Variants in UMAD1 observed in about 807,000 individuals in gnomAD.
UMAD1 encodes the protein UBAP1-MVB12-associated (UMA)-domain containing protein 1.
UMAD1 carries 8 observed loss-of-function variants against 6.1 expected under a neutral mutation model. The observed-to-expected ratio is 1.30, with a 90% CI of 0.76 to 2.35. The LOEUF (loss-of-function observed/expected upper bound fraction) is 2.35. Ranked by LOEUF, UMAD1 falls within the 30% of genes most tolerant of loss-of-function variation. The pLI, the probability that UMAD1 is intolerant of heterozygous loss-of-function variation, is 0.00. For missense variants in UMAD1, 130 were observed against 78.4 expected (o/e 1.66, Z -2.49); for synonymous variants, 56 against 31.4 (o/e 1.78, Z -2.61).
chr7:7,755,316 C>T (rs879310358), intron 2 of UMAD1, among the ~76,000 whole-genome samples: 2 of 152,194 alleles, frequency 1.3e-5, no homozygotes, highest in East Asian at 3.8e-4. Context: ...CCCAATAGCA[C>T]TCACTGAAGT....
chr7:7,737,056 C>G (rs1781373577), intron 2 of UMAD1, among the ~76,000 whole-genome samples: 1 of 152,266 alleles, frequency 6.6e-6, no homozygotes, highest in Non-Finnish European at 1.5e-5. Flanking sequence ...GGCCATGCCC[C>G]TGTCCAGTAG....
chr7:7,824,568 C>T (rs1416917818), intron 3 of UMAD1, among the ~76,000 whole-genome samples: 2 of 152,134 alleles, frequency 1.3e-5, no homozygotes, highest in Non-Finnish European at 2.9e-5. Context: ...TTCTGCTATC[C>T]TACTTGAGCT....
chr7:7,802,762 A>G (rs926794432), intron 3 of UMAD1, among the ~76,000 whole-genome samples: 2 of 152,204 alleles, frequency 1.3e-5, no homozygotes, highest in Non-Finnish European at 2.9e-5. Flanking sequence ...GTGATTCACC[A>G]TGGTTCCCTA....
chr7:7,813,354 G>A (rs141904951), intron 3 of UMAD1, among the ~76,000 whole-genome samples: 3,822 of 152,040 alleles, frequency 0.025, 189 homozygotes, highest in African/African-American at 0.088. Context: ...ACAGGCATGC[G>A]ACACCACGCC....
At chr7:7,704,859 A>C (rs1160521621) in intron 2 of UMAD1, among the ~76,000 whole-genome samples, 2 of 151,704 alleles carry the variant, frequency 1.3e-5, no homozygotes, top group Non-Finnish European at 2.9e-5. Context: ...AAGGGTCATC[A>C]ATTGAAAAAA....
chr7:7,782,252 A>AT (rs1366380606), intron 2 of UMAD1, among the ~76,000 whole-genome samples: 1 of 151,820 alleles, frequency 6.6e-6, no homozygotes, highest in Non-Finnish European at 1.5e-5. Context: ...TAAGGGAAAA[A>AT]ATAAAAATCT....
intron 1 of UMAD1, chr7:7,641,495 A>C (rs1392447362): frequency 1.3e-5 from 2 of 151,998 alleles, no homozygotes; most frequent in Non-Finnish European, 2.9e-5. Context: ...CATATGTTTG[A>C]CTCAACAGTT....
chr7:7,801,814 A>G (rs1782805975), intron 3 of UMAD1, 71 bp downstream of exon 3: 4 of 703,038 alleles, frequency 5.7e-6, no homozygotes, highest in South Asian at 1.6e-5. Context: ...GCCTCCGAGG[A>G]TAAATAGTAA....
chr7:7,838,751 T>C (rs1490262515), intron 3 of UMAD1, among the ~76,000 whole-genome samples: 3 of 152,122 alleles, frequency 2.0e-5, no homozygotes, highest in Non-Finnish European at 2.9e-5. Context: ...GAAATACTCT[T>C]AAGGATATGA....
chr7:7,646,290 T>C (rs1293935687), intron 1 of UMAD1, among the ~76,000 whole-genome samples: 2 of 105,558 alleles, frequency 1.9e-5, no homozygotes, highest in African/African-American at 6.8e-5. Context: ...AGTGGGATGG[T>C]GATACGGTTT....
chr7:7,833,541 C>T (rs974999674), intron 3 of UMAD1, among the ~76,000 whole-genome samples: 1 of 152,084 alleles, frequency 6.6e-6, no homozygotes, highest in Admixed American at 6.6e-5. Flanking sequence ...GTCAACATGA[C>T]TGGGAAGAAA....
At chr7:7,663,164 C>A (rs1178932186) in intron 1 of UMAD1, among the ~76,000 whole-genome samples, 1 of 130,536 alleles carries the variant, frequency 7.7e-6, no homozygotes, top group Non-Finnish European at 1.6e-5. Context: ...CTTTTTTTTT[C>A]TTCCTATTTC....
chr7:7,691,340 GTCA>G (rs1453770757), intron 2 of UMAD1, among the ~76,000 whole-genome samples: 6 of 151,984 alleles, frequency 3.9e-5, no homozygotes, highest in Admixed American at 6.6e-5. Flanking sequence ...ATTTGTAGTC[GTCA>G]TCATTATTTT....
At chr7:7,865,213 G>A (rs1784203494) in intron 3 of UMAD1, among the ~76,000 whole-genome samples, 1 of 152,232 alleles carries the variant, frequency 6.6e-6, no homozygotes, top group Admixed American at 6.5e-5. Context: ...AAAAGTACCT[G>A]TGACCTGAAT....
At chr7:7,688,524 C>A (rs985664762) in intron 2 of UMAD1, among the ~76,000 whole-genome samples, 1 of 152,170 alleles carries the variant, frequency 6.6e-6, no homozygotes, top group African/African-American at 2.4e-5. Flanking sequence ...CAGCTTGTTT[C>A]ATTTTGTCTG....
At chr7:7,788,508 G>GATTTT (rs1374168059) in intron 2 of UMAD1, among the ~76,000 whole-genome samples, 1 of 152,074 alleles carries the variant, frequency 6.6e-6, no homozygotes, top group Non-Finnish European at 1.5e-5. Context: ...CTATATTTCT[G>GATTTT]ATTTTATAGT....
At chr7:7,798,801 G>C (rs946341169) in intron 2 of UMAD1, among the ~76,000 whole-genome samples, 1 of 152,170 alleles carries the variant, frequency 6.6e-6, no homozygotes, top group African/African-American at 2.4e-5. Context: ...GGAGACCTTG[G>C]GCAGGTCACT....
chr7:7,737,744 T>C (rs926291930), intron 2 of UMAD1, among the ~76,000 whole-genome samples: 2 of 152,226 alleles, frequency 1.3e-5, no homozygotes, highest in African/African-American at 2.4e-5. Context: ...CCTAAGTTTT[T>C]GCTAAATTTG....
intron 2 of UMAD1, among the ~76,000 whole-genome samples, chr7:7,758,468 A>G (rs1281705823): frequency 1.3e-5 from 2 of 152,200 alleles, no homozygotes; most frequent in East Asian, 1.9e-4. Flanking sequence ...AAAGTATAAT[A>G]CAACCAACAT....
Sources: gnomAD v4.1 joint callset for allele counts (sites outside exome capture counted in the v4.1 genomes callset) on GRCh38, gnomAD v4.1.1 for gene constraint, MANE v1.5 for transcripts, NCBI Gene and HGNC (gene_info 2026-07-23, HGNC 2026-07-21) for gene names.